ACYP2: variants seen among roughly 807,000 people sequenced by gnomAD.
ACYP2 encodes acylphosphatase-2.
Under a neutral mutation model 11.2 loss-of-function variants are expected in ACYP2, and 12 were observed. The ratio of observed to expected loss-of-function variants is 1.08; its 90% CI spans 0.69 to 1.74. ACYP2 has a LOEUF of 1.74. Among genes scored for constraint, ACYP2 ranks in the 40% most tolerant of loss-of-function variants. ACYP2 has a pLI of 0.00. For synonymous variants in ACYP2, 43 were observed against 32.2 expected, an observed-to-expected ratio of 1.33 and a Z score of -1.13; for missense variants, 134 against 101.9, an observed-to-expected ratio of 1.31 and a Z score of -1.35.
intron 6 of ACYP2, among the ~76,000 whole-genome samples, chr2:54,188,790 C>T (rs13020565): frequency 1.0e-3 from 157 of 152,290 alleles, no homozygotes; most frequent in Admixed American, 2.7e-3. Flanking sequence ...TTCATTTTAA[C>T]AAGATCCCCA....
intron 4 of ACYP2, among the ~76,000 whole-genome samples, chr2:54,088,723 G>C (rs1296089332): frequency 6.6e-6 from 1 of 152,204 alleles, no homozygotes; most frequent in Non-Finnish European, 1.5e-5. Flanking sequence ...GGCTTAAAGT[G>C]ACCATAGATT....
chr2:54,068,224 G>T (rs569489275), intron 4 of ACYP2, among the ~76,000 whole-genome samples: 1 of 152,244 alleles, frequency 6.6e-6, no homozygotes, highest in East Asian at 1.9e-4. Flanking sequence ...GAGAGGAACT[G>T]GGTTTGTACA....
At chr2:54,092,396 C>T (rs1678283565) in intron 4 of ACYP2, among the ~76,000 whole-genome samples, 5 of 152,208 alleles carry the variant, frequency 3.3e-5, no homozygotes, top group Admixed American at 6.5e-5. Flanking sequence ...AGCAGCTCTT[C>T]TTTCTCTCCT....
chr2:54,133,475 A>G (rs1039783245), intron 4 of ACYP2, among the ~76,000 whole-genome samples: 1 of 152,154 alleles, frequency 6.6e-6, no homozygotes, highest in East Asian at 1.9e-4. Context: ...TTCCAAATTT[A>G]CCATGTGTTC....
Position 54,129,852 on chromosome 2 carries a change from TATA to T in ACYP2, c.278-5597_278-5595del, listed in dbSNP as rs983511315. Among the ~76,000 whole-genome samples the T allele has an allele frequency of 4.2e-4, 62 of 148,330 alleles. 2 individuals carry two copies. Among genetic ancestry groups the T allele is most frequent in the South Asian group, 2.1e-4 (1 of 4,786 alleles). ...ATTCACAATATACATTAACAATAAATATAATATATAATCAATATGTTAATATTA... is the reference window on the plus strand; with the variant it reads ...ATTCACAATATACATTAACAATAAATATATATAATCAATATGTTAATATTA... On this transcript the variant is annotated intron_variant, in intron 4 of 6. Transcript: ENST00000607452.
At chr2:54,008,415 C>T (rs1460109792) in intron 2 of ACYP2, among the ~76,000 whole-genome samples, 2 of 152,184 alleles carry the variant, frequency 1.3e-5, no homozygotes, top group Admixed American at 1.3e-4. Context: ...GCCTCATGTG[C>T]ACCTTATGGC....
At chr2:54,111,158 C>A (rs929734) in intron 4 of ACYP2, among the ~76,000 whole-genome samples, 1 of 151,860 alleles carries the variant, frequency 6.6e-6, no homozygotes, top group African/African-American at 2.4e-5. Flanking sequence ...AGCTGGGATA[C>A]GGCTGTAGAG....
chr2:54,227,788 T>G (rs1329317365), intron 6 of ACYP2, among the ~76,000 whole-genome samples: 1 of 152,218 alleles, frequency 6.6e-6, no homozygotes, highest in Non-Finnish European at 1.5e-5. Context: ...CAATCCAAAG[T>G]ATTGTTACAG....
intron 6 of ACYP2, among the ~76,000 whole-genome samples, chr2:54,259,143 G>A (rs1254852987): frequency 2.0e-5 from 3 of 152,006 alleles, no homozygotes; most frequent in Non-Finnish European, 2.9e-5. Flanking sequence ...GCAACTGGTA[G>A]GATGGAGTTA....
chr2:54,111,795 A>T (rs779171530), intron 4 of ACYP2, among the ~76,000 whole-genome samples: 1 of 152,232 alleles, frequency 6.6e-6, no homozygotes, highest in Non-Finnish European at 1.5e-5. Context: ...CAGGGATAGA[A>T]ATATGCCGAT....
chr2:54,085,846 T>G (rs1332337502), intron 4 of ACYP2, among the ~76,000 whole-genome samples: 1 of 152,122 alleles, frequency 6.6e-6, no homozygotes, highest in Non-Finnish European at 1.5e-5. Flanking sequence ...GGCTTGAAGT[T>G]TTTCAAAATA....
intron 4 of ACYP2, among the ~76,000 whole-genome samples, chr2:54,061,817 T>C (rs1334661638): frequency 6.6e-6 from 1 of 152,140 alleles, no homozygotes; most frequent in East Asian, 1.9e-4. Flanking sequence ...CTCAAGGCTG[T>C]AGTCCCGTCA....
At chr2:54,032,045 G>C (rs1674613363) in intron 2 of ACYP2, among the ~76,000 whole-genome samples, 1 of 152,122 alleles carries the variant, frequency 6.6e-6, no homozygotes, top group South Asian at 2.1e-4. Flanking sequence ...CAGATGAGTA[G>C]ATTGCAAAAA....
chr2:54,052,057 TAAA>T (rs1349665473), intron 3 of ACYP2, among the ~76,000 whole-genome samples: 1 of 149,498 alleles, frequency 6.7e-6, no homozygotes, highest in Non-Finnish European at 1.5e-5. Context: ...AATAAATAAA[TAAA>T]TAAATAAATA....
intron 2 of ACYP2, among the ~76,000 whole-genome samples, chr2:53,984,646 A>G (rs1671936886): frequency 6.7e-6 from 1 of 149,842 alleles, no homozygotes; most frequent in Admixed American, 6.7e-5. Context: ...TATAGCATAT[A>G]TATAAAATAT....
chr2:54,047,035 A>C (rs1359695495), intron 2 of ACYP2, among the ~76,000 whole-genome samples: 1 of 152,192 alleles, frequency 6.6e-6, no homozygotes, highest in African/African-American at 2.4e-5. Context: ...TTTTCAGTAG[A>C]TATTATTCGT....
At chr2:54,243,214 A>G (rs1405891265) in intron 6 of ACYP2, among the ~76,000 whole-genome samples, 1 of 152,206 alleles carries the variant, frequency 6.6e-6, no homozygotes, top group Non-Finnish European at 1.5e-5. Context: ...TGAGAAATGC[A>G]TCATTAGGCA....
chr2:54,295,261 C>T (rs1264143086), intron 6 of ACYP2, among the ~76,000 whole-genome samples: 6 of 152,184 alleles, frequency 3.9e-5, no homozygotes, highest in Admixed American at 1.3e-4. Flanking sequence ...ACTTGGTTCA[C>T]CTGCTTCTAT....
intron 6 of ACYP2, among the ~76,000 whole-genome samples, chr2:54,208,986 CTTT>C (rs60260017): frequency 1.4e-5 from 2 of 145,488 alleles, no homozygotes; most frequent in Non-Finnish European, 3.0e-5. Flanking sequence ...TTTGCTTTTA[CTTT>C]TTTTTTTTGG....
Sources: allele counts gnomAD v4.1 joint callset (sites outside exome capture counted in the v4.1 genomes callset), GRCh38; gene constraint gnomAD v4.1.1; transcripts MANE v1.5; gene names NCBI Gene and HGNC (gene_info 2026-07-23, HGNC 2026-07-21).